BANK1: variants seen among roughly 807,000 people sequenced by gnomAD.
BANK1 encodes the protein B-cell scaffold protein with ankyrin repeats.
BANK1 carries 95 observed loss-of-function variants against 94.5 expected under a neutral mutation model. The ratio of observed to expected loss-of-function variants is 1.00; its 90% CI spans 0.85 to 1.19. The LOEUF (loss-of-function observed/expected upper bound fraction) is 1.19, where lower values mean the gene tolerates loss of function less well. Ranked by LOEUF, BANK1 falls within the 50% of genes most tolerant of loss-of-function variation. The probability of loss-of-function intolerance (pLI) is 0.00; values close to 1 mark genes in which losing one functional copy is unlikely to be tolerated. For missense variants in BANK1, 987 were observed against 932.2 expected (o/e 1.06, Z -0.77); for synonymous variants, 334 against 308.4 (o/e 1.08, Z -0.87).
intron 10 of BANK1, among the ~76,000 whole-genome samples, chr4:102,038,805 A>C (rs1464454747): frequency 6.6e-6 from 1 of 152,180 alleles, no homozygotes. Context: ...TAGGTCCCTT[A>C]GTAGTAGAAA....
intron 6 of BANK1, among the ~76,000 whole-genome samples, chr4:101,910,694 G>GA (rs1159879652): frequency 0.055 from 3,678 of 67,220 alleles, 90 homozygotes; most frequent in South Asian, 0.08. Flanking sequence ...ACTCCGTCTC[G>GA]AAAAAAAAAA....
chr4:102,061,722 T>C (rs1427723137), intron 12 of BANK1: 1 of 148,954 alleles, frequency 6.7e-6, no homozygotes, highest in Non-Finnish European at 1.5e-5. Context: ...ACCCTGGTTG[T>C]TTCTATTTTG....
chr4:101,947,814 T>C (rs905276989), intron 7 of BANK1, among the ~76,000 whole-genome samples: 1 of 152,040 alleles, frequency 6.6e-6, no homozygotes, highest in East Asian at 1.9e-4. Context: ...CTTATCATTC[T>C]CCTTCATTAC....
chr4:101,986,873 ATG>A (rs1164357630), intron 7 of BANK1, among the ~76,000 whole-genome samples: 1,501 of 46,810 alleles, frequency 0.032, 197 homozygotes, highest in East Asian at 0.042. Flanking sequence ...ATATGTGTGT[ATG>A]TGTGTGTGTG....
intron 7 of BANK1, among the ~76,000 whole-genome samples, chr4:102,019,493 C>T (rs1726818625): frequency 6.6e-6 from 1 of 152,092 alleles, no homozygotes; most frequent in African/African-American, 2.4e-5. Flanking sequence ...CCACATTTTG[C>T]AGGATATAAT....
At chr4:101,896,255 G>A (rs1376123051) in intron 6 of BANK1, among the ~76,000 whole-genome samples, 1 of 151,854 alleles carries the variant, frequency 6.6e-6, no homozygotes, top group Non-Finnish European at 1.5e-5. Flanking sequence ...ATATGCCTAT[G>A]TGTGAAACAC....
intron 5 of BANK1, among the ~76,000 whole-genome samples, chr4:101,892,792 C>A (rs1721925537): frequency 6.6e-6 from 1 of 151,978 alleles, no homozygotes; most frequent in East Asian, 1.9e-4. Context: ...GAGAAAAATT[C>A]TAATTTATGT....
chr4:101,991,723 G>A (rs1227216640), intron 7 of BANK1, among the ~76,000 whole-genome samples: 2 of 152,162 alleles, frequency 1.3e-5, no homozygotes, highest in East Asian at 3.9e-4. Context: ...ATATCTGGGG[G>A]CAGTGGGGGT....
At chr4:101,918,594 C>T (rs1722906021) in intron 7 of BANK1, among the ~76,000 whole-genome samples, 1 of 151,840 alleles carries the variant, frequency 6.6e-6, no homozygotes, top group Non-Finnish European at 1.5e-5. Flanking sequence ...TTTGTGTTTC[C>T]ATAATCATGT....
At chr4:101,933,314 A>G (rs1251943321) in intron 7 of BANK1, among the ~76,000 whole-genome samples, 3 of 147,064 alleles carry the variant, frequency 2.0e-5, no homozygotes, top group East Asian at 4.2e-4. Flanking sequence ...AGAAAGGAGA[A>G]AAAAAAAAAA....
chr4:101,953,118 G>A (rs1320437027), intron 7 of BANK1, among the ~76,000 whole-genome samples: 1 of 152,028 alleles, frequency 6.6e-6, no homozygotes, highest in Non-Finnish European at 1.5e-5. Flanking sequence ...CTGAGATGAT[G>A]GAAATGAAAT....
At chr4:101,956,424 T>A (rs980624307) in intron 7 of BANK1, among the ~76,000 whole-genome samples, 2 of 152,200 alleles carry the variant, frequency 1.3e-5, no homozygotes, top group Non-Finnish European at 2.9e-5. Flanking sequence ...TCTTTTAAAT[T>A]GTGGTTGCAA....
intron 7 of BANK1, among the ~76,000 whole-genome samples, chr4:102,005,605 T>G (rs1726233902): frequency 6.6e-6 from 1 of 152,122 alleles, no homozygotes; most frequent in Non-Finnish European, 1.5e-5. Flanking sequence ...TAGACATCAT[T>G]GGTTGAAACA....
intron 7 of BANK1, among the ~76,000 whole-genome samples, chr4:101,979,201 A>C (rs1353749862): frequency 1.3e-5 from 2 of 151,984 alleles, no homozygotes; most frequent in Non-Finnish European, 2.9e-5. Context: ...TTCTCTGAAA[A>C]GAATGGTAGC....
chr4:101,909,810 T>C (rs1560628425), intron 6 of BANK1, among the ~76,000 whole-genome samples: 2 of 152,310 alleles, frequency 1.3e-5, no homozygotes, highest in African/African-American at 4.8e-5. Flanking sequence ...AATCATACCA[T>C]CATAAAATGT....
At chr4:101,970,098 CCT>C (rs1312454495) in intron 7 of BANK1, among the ~76,000 whole-genome samples, 1 of 152,102 alleles carries the variant, frequency 6.6e-6, no homozygotes, top group Middle Eastern at 3.2e-3. Context: ...CCTCTCTAAT[CCT>C]CTGTTTCCTC....
chr4:101,845,631 A>G (rs1193900564), intron 2 of BANK1, among the ~76,000 whole-genome samples: 1 of 152,220 alleles, frequency 6.6e-6, no homozygotes, highest in Non-Finnish European at 1.5e-5. Flanking sequence ...AATTGACAAC[A>G]TATAGCTGCC....
At chr4:102,051,343 A>T (rs546160350) in intron 11 of BANK1, among the ~76,000 whole-genome samples, 1 of 152,332 alleles carries the variant, frequency 6.6e-6, no homozygotes, top group Admixed American at 6.5e-5. Flanking sequence ...TATTGCTCAC[A>T]AAAGTTTTTT....
At chr4:101,859,818 G>A (rs528124063) in intron 3 of BANK1, among the ~76,000 whole-genome samples, 4 of 152,032 alleles carry the variant, frequency 2.6e-5, no homozygotes, top group Non-Finnish European at 5.9e-5. Context: ...AAGGTGCTAC[G>A]ATAATATAAG....
Sources: allele counts gnomAD v4.1 joint callset (sites outside exome capture counted in the v4.1 genomes callset), GRCh38; gene constraint gnomAD v4.1.1; transcripts MANE v1.5; gene names NCBI Gene and HGNC (gene_info 2026-07-23, HGNC 2026-07-21).